The following SNX16 variants were observed in gnomAD, a reference collection of about 807,000 sequenced individuals.
SNX16 encodes the protein sorting nexin 16.
A neutral mutation model predicts 36.7 loss-of-function variants in SNX16; 35 were observed. The observed-to-expected ratio is 0.95, with a 90% confidence interval of 0.73 to 1.27. The LOEUF is 1.27. SNX16 is among the 50% of genes most tolerant of loss of function. The pLI, the probability that SNX16 is intolerant of heterozygous loss-of-function variation, is 0.00. For synonymous variants in SNX16, 134 were observed against 132.0 expected (o/e 1.02, Z -0.10); for missense variants, 367 against 393.6 (o/e 0.93, Z 0.57).
chr8:81,817,432 T>C (rs1305009871), intron 4 of SNX16, among the ~76,000 whole-genome samples: 1 of 152,174 alleles, frequency 6.6e-6, no homozygotes, highest in Admixed American at 6.5e-5. Context: ...TTATTCTGTT[T>C]CATTCACCTT....
intron 5 of SNX16, among the ~76,000 whole-genome samples, chr8:81,803,597 T>G (rs1809804915): frequency 6.6e-6 from 1 of 151,986 alleles, no homozygotes. Flanking sequence ...TCATACATGA[T>G]TACACTTAAA....
intron 3 of SNX16, among the ~76,000 whole-genome samples, chr8:81,828,146 TAAAC>T (rs1811094409): frequency 6.6e-6 from 1 of 152,124 alleles, no homozygotes; most frequent in Non-Finnish European, 1.5e-5. Flanking sequence ...AAAACACAGA[TAAAC>T]AAAACAATAT....
Position 81,815,405 on chromosome 8 carries a change from G to GA in SNX16, c.612-12dup, listed in dbSNP as rs55997432. 6,638 of 1,443,940 alleles carry GA rather than the reference G, an allele frequency of 4.6e-3. 2 individuals are homozygous for GA. The highest frequency in any genetic ancestry group is 6.9e-3 in the South Asian group (539 of 78,322). 89.4% of individuals were successfully genotyped at this position (1,443,940 alleles called of 1,614,324 possible). The stretch of plus-strand genomic sequence containing the variant: ...TCTCTCACTGCAAGGCTTTTCAAAG[G>GA]AAAAAAAAAATGATCTGAAGTACAA... On this transcript the variant is annotated splice_polypyrimidine_tract_variant and intron_variant, in intron 4 of 7. Transcript: ENST00000345957.
intron 5 of SNX16, among the ~76,000 whole-genome samples, chr8:81,813,576 GATAAA>G (rs1330338201): frequency 6.6e-6 from 1 of 151,692 alleles, no homozygotes; most frequent in East Asian, 1.9e-4. Context: ...TTAAAAAAGT[GATAAA>G]ATAAATTCAT....
At chr8:81,827,921 AG>A (rs1811086931) in intron 3 of SNX16, among the ~76,000 whole-genome samples, 1 of 152,192 alleles carries the variant, frequency 6.6e-6, no homozygotes, top group African/African-American at 2.4e-5. Context: ...TTGGCCTCTC[AG>A]AAGCATAATG....
chr8:81,840,867 G>A (rs1305411480), intron 1 of SNX16, among the ~76,000 whole-genome samples: 2 of 152,158 alleles, frequency 1.3e-5, no homozygotes, highest in Admixed American at 1.3e-4. Flanking sequence ...ATAACACAAA[G>A]AAGAAATGGT....
intron 2 of SNX16, among the ~76,000 whole-genome samples, chr8:81,837,015 T>C (rs1811521989): frequency 6.6e-6 from 1 of 152,214 alleles, no homozygotes; most frequent in Non-Finnish European, 1.5e-5. Context: ...TGAAAACACA[T>C]TCTCATGGCT....
chr8:81,819,949 G>T (rs1230070148), intron 4 of SNX16, among the ~76,000 whole-genome samples: 9 of 151,990 alleles, frequency 5.9e-5, no homozygotes, highest in African/African-American at 2.2e-4. Flanking sequence ...GGAAGGTTAA[G>T]AACTAGCCTT....
intron 5 of SNX16, chr8:81,808,339 C>T: frequency 7.8e-7 from 1 of 1,282,698 alleles, no homozygotes; most frequent in Non-Finnish European, 1.1e-6. Context: ...GCTAGTGCTT[C>T]ATCCAGGCAA....
Position 81,823,867 on chromosome 8 carries a change from T to C in SNX16, c.536A>G (p.Asp179Gly). 1 of 1,612,342 alleles carries C rather than the reference T, an allele frequency of 6.2e-7. No homozygotes were observed. The highest frequency in any genetic ancestry group is 1.1e-5 in the South Asian group (1 of 90,856). The change falls in exon 4 of 8, where the codon GAC (aspartate) becomes GGC (glycine). Residue 179 changes from aspartate (D) to glycine (G), a missense_variant. By Grantham distance (94) the Asp-to-Gly change is moderately conservative (BLOSUM62 -1). Coordinates refer to ENST00000345957, the MANE Select transcript of SNX16 (RefSeq NM_152836.3). Reference protein sequence around the residue: ...KRWFKDNYNADFLEDRQLGLQ... With the variant: ...KRWFKDNYNAGFLEDRQLGLQ... ...TCCTAATTGTCTGTCTTCTAAAAAG[T>C]CAGCATTGTAATTATCTTTAAACCA...
chr8:81,835,930 C>T (rs1811473406), intron 2 of SNX16, among the ~76,000 whole-genome samples: 2 of 152,198 alleles, frequency 1.3e-5, no homozygotes, highest in Admixed American at 1.3e-4. Context: ...AAAGACCTGC[C>T]CCAATGATTG....
chr8:81,841,021 G>A (rs973255265), intron 1 of SNX16, among the ~76,000 whole-genome samples: 7 of 152,168 alleles, frequency 4.6e-5, no homozygotes, highest in African/African-American at 1.7e-4. Flanking sequence ...TGAGTCACCT[G>A]GACTTGGAAA....
chr8:81,837,391 A>G (rs1811538509), intron 2 of SNX16, among the ~76,000 whole-genome samples: 1 of 152,172 alleles, frequency 6.6e-6, no homozygotes, highest in Non-Finnish European at 1.5e-5. Context: ...GCATCTTCAC[A>G]CATATCATCT....
At position 81,840,067 on chromosome 8, in the gene SNX16, C is replaced by T; in HGVS notation, c.-81G>A. 1.4e-6 allele frequency: 2 copies of T among 1,442,582 alleles called. No individual in the cohort carries two copies. The highest frequency in any genetic ancestry group is 2.3e-5 in the East Asian group (1 of 43,642). The allele number at this position is 1,442,582 out of a possible 1,614,324, so 89.4% of individuals were successfully genotyped here. A position where few individuals can be genotyped will look rare whatever the true frequency, so the allele number is the denominator to read the frequency against. ...CTAATATGCAATCCATTATTTTCTT[C>T]TTAGGAATTCACTATCTAAAAATGA... On this transcript the variant is annotated 5_prime_UTR_variant, in exon 2 of 8. Transcript: ENST00000345957.
chr8:81,829,315 T>A (rs1811146907), intron 3 of SNX16, 115 bp downstream of exon 3: 1 of 387,650 alleles, frequency 2.6e-6, no homozygotes, highest in Non-Finnish European at 4.4e-6. Flanking sequence ...AAATTAATTT[T>A]CTTATGAACT....
intron 5 of SNX16, chr8:81,808,644 G>A (rs1436662942): frequency 2.0e-5 from 19 of 941,682 alleles, no homozygotes; most frequent in Non-Finnish European, 2.8e-5. Flanking sequence ...CCATGGTGGT[G>A]GAGGCCAATA....
At chr8:81,841,910 C>G (rs1811806313) in intron 1 of SNX16, 1 of 152,184 alleles carries the variant, frequency 6.6e-6, no homozygotes, top group Admixed American at 6.5e-5. Flanking sequence ...GGATCACAGA[C>G]TCTCCCGCCT....
Position 81,840,085 on chromosome 8 carries a change from A to G in SNX16, c.-96-3T>C. ...TTTTCTTCTTAGGAATTCACTATCT[A>G]AAAATGAAAAGGACATATTAAAAGG... On this transcript the variant is annotated splice_region_variant and splice_polypyrimidine_tract_variant and intron_variant, in intron 1 of 7. Transcript: ENST00000345957. The G allele has an allele frequency of 1.5e-6, 2 of 1,367,324 alleles. No homozygotes were observed. The highest frequency in any genetic ancestry group is 2.0e-6 in the Non-Finnish European group (2 of 1,014,890). 84.7% of individuals were successfully genotyped at this position (1,367,324 alleles called of 1,614,324 possible).
intron 2 of SNX16, among the ~76,000 whole-genome samples, chr8:81,834,547 G>C (rs1388766214): frequency 6.6e-6 from 1 of 152,160 alleles, no homozygotes; most frequent in Non-Finnish European, 1.5e-5. Context: ...AAGCAAGCTA[G>C]TTACTTACTA....
Sources: gnomAD v4.1 joint callset for allele counts (sites outside exome capture counted in the v4.1 genomes callset) on GRCh38, gnomAD v4.1.1 for gene constraint, MANE v1.5 for transcripts, NCBI Gene and HGNC (gene_info 2026-07-23, HGNC 2026-07-21) for gene names.